Variants in THSD7A observed in about 807,000 individuals in gnomAD.
THSD7A encodes the protein thrombospondin type 1 domain containing 7A.
THSD7A carries 96 observed loss-of-function variants against 231.3 expected under a neutral mutation model. The observed-to-expected ratio is 0.41, with a 90% CI of 0.35 to 0.49. The LOEUF (loss-of-function observed/expected upper bound fraction) is 0.49. Ranked by LOEUF, THSD7A falls within the 20% of genes least tolerant of loss-of-function variation. THSD7A has a pLI of 0.05. For missense variants in THSD7A, 2,290 were observed against 2,070.2 expected (o/e 1.11, Z -2.06); for synonymous variants, 940 against 743.3 (o/e 1.26, Z -4.30).
intron 23 of THSD7A, among the ~76,000 whole-genome samples, chr7:11,391,193 CA>C (rs1343777752): frequency 1.3e-5 from 2 of 152,202 alleles, no homozygotes; most frequent in African/African-American, 4.8e-5. Flanking sequence ...GCTGCACTCA[CA>C]GTGCCCCTTG....
At chr7:11,776,101 C>T (rs1204061950) in intron 1 of THSD7A, among the ~76,000 whole-genome samples, 1 of 152,078 alleles carries the variant, frequency 6.6e-6, no homozygotes, top group Non-Finnish European at 1.5e-5. Context: ...TTCTGAAGCC[C>T]TGATTGGCCC....
intron 9 of THSD7A, among the ~76,000 whole-genome samples, chr7:11,467,103 T>G (rs1280734570): frequency 6.6e-6 from 1 of 152,104 alleles, no homozygotes; most frequent in Non-Finnish European, 1.5e-5. Context: ...TGGGAAAGTT[T>G]CCTTCACATC....
intron 1 of THSD7A, among the ~76,000 whole-genome samples, chr7:11,687,681 T>C (rs1162595430): frequency 6.6e-6 from 1 of 151,854 alleles, no homozygotes; most frequent in Non-Finnish European, 1.5e-5. Flanking sequence ...AAGAAGTATT[T>C]TGACAAACAA....
At chr7:11,650,187 GGTTAA>G (rs1349980590) in intron 1 of THSD7A, among the ~76,000 whole-genome samples, 1 of 151,972 alleles carries the variant, frequency 6.6e-6, no homozygotes, top group African/African-American at 2.4e-5. Context: ...GCCAACATAT[GGTTAA>G]GTTTATAATA....
chr7:11,390,319 C>T (rs1179239829), intron 23 of THSD7A, among the ~76,000 whole-genome samples: 2 of 152,188 alleles, frequency 1.3e-5, no homozygotes, highest in Non-Finnish European at 2.9e-5. Context: ...TCTTTTCTCT[C>T]TAATCTTGTC....
At chr7:11,457,977 T>TA (rs996445502) in intron 11 of THSD7A, among the ~76,000 whole-genome samples, 1 of 152,080 alleles carries the variant, frequency 6.6e-6, no homozygotes, top group African/African-American at 2.4e-5. Context: ...CTAATTTTCC[T>TA]AAAAAATATA....
chr7:11,791,091 A>G (rs1014525361), intron 1 of THSD7A, among the ~76,000 whole-genome samples: 4 of 152,002 alleles, frequency 2.6e-5, no homozygotes, highest in Admixed American at 6.6e-5. Context: ...GAGCAAGTAT[A>G]AAGGAAAACT....
intron 6 of THSD7A, among the ~76,000 whole-genome samples, chr7:11,488,852 T>C (rs1011087183): frequency 2.0e-5 from 3 of 152,130 alleles, no homozygotes; most frequent in African/African-American, 7.2e-5. Context: ...TGAACTGACA[T>C]GCTGCTTTTT....
At chr7:11,409,284 T>C (rs761398493) in intron 19 of THSD7A, among the ~76,000 whole-genome samples, 2 of 152,358 alleles carry the variant, frequency 1.3e-5, no homozygotes, top group African/African-American at 2.4e-5. Flanking sequence ...TCTTTCTTTG[T>C]GGCTGTTAGG....
chr7:11,620,381 T>C (rs1430231764), intron 2 of THSD7A, among the ~76,000 whole-genome samples: 1 of 152,206 alleles, frequency 6.6e-6, no homozygotes, highest in African/African-American at 2.4e-5. Flanking sequence ...AGAAGAAGTA[T>C]CATTCATTTT....
At chr7:11,620,152 C>T (rs1371290694) in intron 2 of THSD7A, among the ~76,000 whole-genome samples, 1 of 152,146 alleles carries the variant, frequency 6.6e-6, no homozygotes, top group African/African-American at 2.4e-5. Flanking sequence ...TACAAATGCC[C>T]TAAATTGTAA....
intron 6 of THSD7A, among the ~76,000 whole-genome samples, chr7:11,503,535 G>C (rs1029531044): frequency 1.3e-5 from 2 of 150,304 alleles, no homozygotes; most frequent in Non-Finnish European, 3.0e-5. Context: ...TACAGAATAG[G>C]AGAAAGTATT....
intron 1 of THSD7A, among the ~76,000 whole-genome samples, chr7:11,753,690 C>A (rs185510764): frequency 3.2e-4 from 48 of 151,826 alleles, no homozygotes; most frequent in Non-Finnish European, 3.4e-4. Flanking sequence ...GACCTGAGAC[C>A]ATACATATGA....
chr7:11,757,040 T>C (rs1396566065), intron 1 of THSD7A, among the ~76,000 whole-genome samples: 1 of 152,012 alleles, frequency 6.6e-6, no homozygotes, highest in East Asian at 1.9e-4. Context: ...TAAATAGATA[T>C]TCTTTTTAAC....
chr7:11,768,678 C>T (rs1393969499), intron 1 of THSD7A, among the ~76,000 whole-genome samples: 1 of 151,852 alleles, frequency 6.6e-6, no homozygotes, highest in Non-Finnish European at 1.5e-5. Flanking sequence ...GGCAGACTTC[C>T]CATGTGTAAT....
At chr7:11,440,370 G>A (rs781366165) in intron 13 of THSD7A, among the ~76,000 whole-genome samples, 1 of 152,062 alleles carries the variant, frequency 6.6e-6, no homozygotes, top group African/African-American at 2.4e-5. Flanking sequence ...ATGGGCCAAA[G>A]AGTAATTCTG....
chr7:11,711,567 G>C (rs1381603071), intron 1 of THSD7A, among the ~76,000 whole-genome samples: 1 of 150,996 alleles, frequency 6.6e-6, no homozygotes, highest in Non-Finnish European at 1.5e-5. Flanking sequence ...TCAGCTATCA[G>C]ATAAAATTGT....
At chr7:11,509,387 TG>T (rs1787695795) in intron 6 of THSD7A, among the ~76,000 whole-genome samples, 1 of 152,160 alleles carries the variant, frequency 6.6e-6, no homozygotes, top group African/African-American at 2.4e-5. Flanking sequence ...CCAACAAAAT[TG>T]TTCCAGATTT....
chr7:11,714,699 C>T (rs1326130799), intron 1 of THSD7A, among the ~76,000 whole-genome samples: 1 of 151,330 alleles, frequency 6.6e-6, no homozygotes, highest in East Asian at 2.0e-4. Flanking sequence ...TATAGTCAAA[C>T]TATGGGAATA....
Sources: gnomAD v4.1 joint callset for allele counts (sites outside exome capture counted in the v4.1 genomes callset) on GRCh38, gnomAD v4.1.1 for gene constraint, MANE v1.5 for transcripts, NCBI Gene and HGNC (gene_info 2026-07-23, HGNC 2026-07-21) for gene names.